The following NF1 variants were observed in gnomAD, a reference collection of about 807,000 sequenced individuals.
NF1 encodes the protein neurofibromin 1.
In NF1, 122 loss-of-function variants were observed where a neutral mutation model predicts 325.7. The ratio of observed to expected loss-of-function variants is 0.37; its 90% CI spans 0.32 to 0.44. NF1 has a LOEUF of 0.44. Ranked by LOEUF, NF1 falls within the 20% of genes least tolerant of loss-of-function variation. The pLI, the probability that NF1 is intolerant of heterozygous loss-of-function variation, is 1.00. For synonymous variants in NF1, 1,091 were observed against 1,186.0 expected (o/e 0.92, Z 1.65); for missense variants, 2,140 against 3,415.4 (o/e 0.63, Z 9.31).
intron 36 of NF1, among the ~76,000 whole-genome samples, chr17:31,317,238 A>G (rs542219039): frequency 6.6e-6 from 1 of 152,242 alleles, no homozygotes; most frequent in African/African-American, 2.4e-5. Context: ...AAGTCTCTCA[A>G]ACCAATTTTT....
chr17:31,332,974 G>GCACATGC (rs1351497684), intron 39 of NF1, among the ~76,000 whole-genome samples: 1 of 152,010 alleles, frequency 6.6e-6, no homozygotes, highest in African/African-American at 2.4e-5. Context: ...AGGCACCATG[G>GCACATGC]CACATGCCTG....
intron 12 of NF1, among the ~76,000 whole-genome samples, chr17:31,209,370 T>C (rs2066682907): frequency 6.6e-6 from 1 of 152,218 alleles, no homozygotes; most frequent in African/African-American, 2.4e-5. Context: ...CTTCAAGGCT[T>C]TACTAACACT....
At chr17:31,200,214 A>T (rs1158810782) in intron 8 of NF1, among the ~76,000 whole-genome samples, 1 of 133,704 alleles carries the variant, frequency 7.5e-6, no homozygotes, top group East Asian at 2.1e-4. Flanking sequence ...ATAATTCAAT[A>T]AAGAAAATAG....
chr17:31,278,359 A>G (rs949748245), intron 36 of NF1: 3 of 147,132 alleles, frequency 2.0e-5, no homozygotes, highest in African/African-American at 7.6e-5. Context: ...AAACAGGTCC[A>G]GTTTTCCCTT....
At chr17:31,255,353 A>G (rs554077214) in intron 31 of NF1, among the ~76,000 whole-genome samples, 1 of 152,084 alleles carries the variant, frequency 6.6e-6, no homozygotes, top group African/African-American at 2.4e-5. Context: ...TTTATGGATT[A>G]AAAAAAACAC....
chr17:31,144,631 C>T (rs1248138011), intron 1 of NF1, among the ~76,000 whole-genome samples: 2 of 151,780 alleles, frequency 1.3e-5, no homozygotes, highest in African/African-American at 2.4e-5. Flanking sequence ...TCCACAATGG[C>T]GTCCCATTCT....
At chr17:31,136,026 C>G (rs1915742690) in intron 1 of NF1, among the ~76,000 whole-genome samples, 1 of 152,020 alleles carries the variant, frequency 6.6e-6, no homozygotes, top group African/African-American at 2.4e-5. Flanking sequence ...ATTGCTCTTA[C>G]TTTCCTTTCT....
At chr17:31,296,519 C>T in intron 36 of NF1, 1 of 635,496 alleles carries the variant, frequency 1.6e-6, no homozygotes, top group Admixed American at 2.3e-5. Flanking sequence ...CTTAATCCTT[C>T]AATTGGGCTA....
intron 8 of NF1, among the ~76,000 whole-genome samples, chr17:31,192,148 T>C (rs2066354854): frequency 6.6e-6 from 1 of 152,206 alleles, no homozygotes; most frequent in African/African-American, 2.4e-5. Context: ...TATATTTTGC[T>C]CATCTTTTGA....
intron 8 of NF1, among the ~76,000 whole-genome samples, chr17:31,196,952 TAAGA>T (rs1237223429): frequency 6.6e-6 from 1 of 152,234 alleles, no homozygotes; most frequent in African/African-American, 2.4e-5. Context: ...AGTTTTCAAA[TAAGA>T]AAGTGTGAGT....
chr17:31,260,666 TACAA>T (rs2067669732), intron 34 of NF1, 151 bp downstream of exon 34: 1 of 1,046,710 alleles, frequency 9.6e-7, no homozygotes, highest in East Asian at 2.5e-5. Context: ...TTCAAAAAAA[TACAA>T]ACAAAAGGTT....
intron 36 of NF1, chr17:31,305,747 G>A: frequency 2.4e-6 from 2 of 835,634 alleles, no homozygotes; most frequent in South Asian, 1.8e-5. Flanking sequence ...TTCCTAATTA[G>A]TAGTAGTTGA....
chr17:31,323,555 G>T (rs2069267207), intron 36 of NF1, among the ~76,000 whole-genome samples: 1 of 152,148 alleles, frequency 6.6e-6, no homozygotes, highest in African/African-American at 2.4e-5. Flanking sequence ...TGAGCCCCTA[G>T]TAGAAAACCT....
intron 2 of NF1, among the ~76,000 whole-genome samples, chr17:31,158,333 A>G (rs1364663437): frequency 1.3e-5 from 2 of 152,162 alleles, no homozygotes; most frequent in Non-Finnish European, 2.9e-5. Context: ...AAGCAGGACC[A>G]TTTATAAATA....
At chr17:31,220,115 A>G (rs2066896468) in intron 14 of NF1, among the ~76,000 whole-genome samples, 1 of 152,190 alleles carries the variant, frequency 6.6e-6, no homozygotes, top group African/African-American at 2.4e-5. Flanking sequence ...GGAACTGTCA[A>G]ACTCTTTTTC....
At chr17:31,103,794 A>AC (rs1247161750) in intron 1 of NF1, among the ~76,000 whole-genome samples, 3 of 151,938 alleles carry the variant, frequency 2.0e-5, no homozygotes, top group African/African-American at 4.8e-5. Context: ...ACAGAGTGAG[A>AC]CCCCATCTCT....
chr17:31,299,655 A>G (rs1283355823), intron 36 of NF1: 1 of 152,102 alleles, frequency 6.6e-6, no homozygotes, highest in Non-Finnish European at 1.5e-5. Flanking sequence ...TTTTGGTAAT[A>G]TGGTTGGCTA....
intron 1 of NF1, among the ~76,000 whole-genome samples, chr17:31,097,945 C>A (rs1911914322): frequency 6.6e-6 from 1 of 151,884 alleles, no homozygotes; most frequent in African/African-American, 2.4e-5. Context: ...TGATCTGCCC[C>A]CCACCCCCTG....
At chr17:31,134,600 C>T (rs915672774) in intron 1 of NF1, among the ~76,000 whole-genome samples, 1 of 152,206 alleles carries the variant, frequency 6.6e-6, no homozygotes, top group Admixed American at 6.5e-5. Flanking sequence ...CAGAGTCTTT[C>T]ATGAAGCTGC....
Sources: gnomAD v4.1 joint callset for allele counts (sites outside exome capture counted in the v4.1 genomes callset) on GRCh38, gnomAD v4.1.1 for gene constraint, MANE v1.5 for transcripts, NCBI Gene and HGNC (gene_info 2026-07-23, HGNC 2026-07-21) for gene names.